Variants in AGMO observed in about 807,000 individuals in gnomAD.
AGMO encodes the protein glyceryl-ether monooxygenase.
Under a neutral mutation model 60.2 loss-of-function variants are expected in AGMO, and 75 were observed. That is an observed-to-expected ratio of 1.25 (90% CI 1.03 to 1.51). AGMO has a LOEUF of 1.51. Ranked by LOEUF, AGMO falls within the 40% of genes most tolerant of loss-of-function variation. The pLI is 0.00. For synonymous variants in AGMO, 261 were observed against 177.1 expected, an observed-to-expected ratio of 1.47 and a Z score of -3.76; for missense variants, 763 against 525.5, an observed-to-expected ratio of 1.45 and a Z score of -4.42.
chr7:15,376,861 T>C lies in AGMO; in HGVS notation c.1074+8585A>G, dbSNP rs117282179. ...TCATATCACTAAACTAAACACTATA[T>C]ATTTAAATATATGCTTTGCAAGTTT... is the stretch of plus-strand genomic sequence containing the variant. On this transcript the variant is annotated intron_variant, in intron 10 of 12. Transcript: ENST00000342526. Among the ~76,000 whole-genome samples the C allele has an allele frequency of 4.6e-5, 7 of 152,222 alleles. No individual in the cohort carries two copies. The South Asian group carries it at 6.2e-4, about 14-fold the overall frequency.
chr7:15,127,508 C>T, the AGMO span, among the ~76,000 whole-genome samples: 1 of 151,980 alleles, frequency 6.6e-6, no homozygotes, highest in Non-Finnish European at 1.5e-5. Context: ...ATTAAATTCA[C>T]TCTAATAGAA....
intron 3 of AGMO, among the ~76,000 whole-genome samples, chr7:15,443,559 C>A (rs767523484): frequency 6.6e-6 from 1 of 152,148 alleles, no homozygotes; most frequent in Admixed American, 6.5e-5. Flanking sequence ...AACTACTTCC[C>A]TAGATTGATG....
intron 12 of AGMO, among the ~76,000 whole-genome samples, chr7:15,353,280 A>G (rs1401236159): frequency 6.6e-6 from 1 of 152,208 alleles, no homozygotes; most frequent in Non-Finnish European, 1.5e-5. Flanking sequence ...GAGATGTGTC[A>G]ACAGGGTGGA....
intron 3 of AGMO, among the ~76,000 whole-genome samples, chr7:15,453,427 G>A (rs1781907295): frequency 6.6e-6 from 1 of 152,176 alleles, no homozygotes; most frequent in Admixed American, 6.5e-5. Context: ...ACAGTGTAGT[G>A]GAGAAAGCAG....
At chr7:15,339,301 T>C (rs771924762) in intron 12 of AGMO, among the ~76,000 whole-genome samples, 18 of 152,190 alleles carry the variant, frequency 1.2e-4, no homozygotes, top group Non-Finnish European at 2.2e-4. Flanking sequence ...TGTAAAATCA[T>C]ACTTATTACT....
At chr7:15,251,134 G>C (rs1293497815) in intron 12 of AGMO, among the ~76,000 whole-genome samples, 4 of 152,090 alleles carry the variant, frequency 2.6e-5, no homozygotes, top group Non-Finnish European at 5.9e-5. Context: ...AGCTCAAAAT[G>C]CTGCCTCTTT....
the AGMO span, among the ~76,000 whole-genome samples, chr7:15,143,384 T>C: frequency 2.0e-5 from 3 of 152,194 alleles, no homozygotes; most frequent in African/African-American, 7.2e-5. Flanking sequence ...TCAATTTATC[T>C]ACCCAATAGA....
chr7:15,424,803 T>C (rs1256286852), intron 4 of AGMO, among the ~76,000 whole-genome samples: 1 of 152,232 alleles, frequency 6.6e-6, no homozygotes, highest in Non-Finnish European at 1.5e-5. Flanking sequence ...GCTTAATGCA[T>C]GCTTTCCTTT....
intron 2 of AGMO, among the ~76,000 whole-genome samples, chr7:15,557,316 A>C (rs1785171805): frequency 6.6e-6 from 1 of 152,058 alleles, no homozygotes; most frequent in Non-Finnish European, 1.5e-5. Context: ...AAGGCATACT[A>C]CCATTTGTCT....
At chr7:15,280,075 G>C (rs1462091909) in intron 12 of AGMO, among the ~76,000 whole-genome samples, 1 of 152,164 alleles carries the variant, frequency 6.6e-6, no homozygotes, top group Non-Finnish European at 1.5e-5. Context: ...AGAATCAGGG[G>C]GTGAGTGAGA....
At chr7:15,439,543 A>G (rs6949707) in intron 3 of AGMO, among the ~76,000 whole-genome samples, 23,948 of 152,210 alleles carry the variant, frequency 0.16, 2,054 homozygotes, top group South Asian at 0.26. Flanking sequence ...AAAGAAAGAA[A>G]AACAGGGCTC....
chr7:15,297,641 G>T (rs1408032012), intron 12 of AGMO, among the ~76,000 whole-genome samples: 4 of 151,932 alleles, frequency 2.6e-5, no homozygotes. Flanking sequence ...CCTTTTCCTG[G>T]GAAAAGAAAA....
At chr7:15,531,645 A>AT (rs1784367641) in intron 3 of AGMO, among the ~76,000 whole-genome samples, 1 of 85,566 alleles carries the variant, frequency 1.2e-5, no homozygotes, top group African/African-American at 4.5e-5. Context: ...ATATATATAG[A>AT]AAATATAAAT....
intron 12 of AGMO, among the ~76,000 whole-genome samples, chr7:15,305,080 C>T (rs1780572006): frequency 6.6e-6 from 1 of 151,652 alleles, no homozygotes; most frequent in Non-Finnish European, 1.5e-5. Context: ...AAAAGTGTTA[C>T]TAGAAGTGAT....
Position 15,286,148 on chromosome 7 carries a change from T to C in AGMO, c.1263+79366A>G, listed in dbSNP as rs60425858. Among the ~76,000 whole-genome samples, 480 of 152,176 alleles carry C rather than the reference T, an allele frequency of 3.2e-3. 2 individuals are homozygous for C. The highest frequency in any genetic ancestry group is 0.011 in the African/African-American group (457 of 41,554). On this transcript the variant is annotated intron_variant, in intron 12 of 12. Coordinates refer to ENST00000342526, the MANE Select transcript of AGMO (RefSeq NM_001004320.2). ...TATAAAATAGCCTAGAAAAAAGCTC[T>C]TTTGGACATTGGTCTAGGAAAATAA...
chr7:15,462,706 CTCTA>C (rs1381514637), intron 3 of AGMO, among the ~76,000 whole-genome samples: 1 of 152,086 alleles, frequency 6.6e-6, no homozygotes, highest in Admixed American at 6.6e-5. Flanking sequence ...AAAAATTAAG[CTCTA>C]TCATGTGATT....
intron 12 of AGMO, among the ~76,000 whole-genome samples, chr7:15,298,624 A>G (rs1784470561): frequency 6.6e-6 from 1 of 151,858 alleles, no homozygotes; most frequent in Non-Finnish European, 1.5e-5. Flanking sequence ...CTAGTCTTGA[A>G]CCCCTGGGCT....
chr7:15,367,470 G>A lies in AGMO; in HGVS notation c.1075-1248C>T, dbSNP rs370801368. ...ATATCGGCTTTATTTTTAAAAAAAC[G>A]CAAACAATCTGGGAAACAAAGGATT... On this transcript the variant is annotated intron_variant, in intron 10 of 12. Coordinates refer to ENST00000342526, the MANE Select transcript of AGMO (RefSeq NM_001004320.2). Among the ~76,000 whole-genome samples, 8 of 151,764 alleles carry A rather than the reference G, an allele frequency of 5.3e-5. No individual in the cohort carries two copies. In the East Asian group the frequency reaches 1.5e-3, roughly 29 times the overall value.
intron 2 of AGMO, among the ~76,000 whole-genome samples, chr7:15,557,517 CT>C (rs1018357284): frequency 6.0e-5 from 9 of 150,412 alleles, no homozygotes; most frequent in East Asian, 2.0e-4. Flanking sequence ...CAAATTCTTC[CT>C]TTTTTTTTCT....
Sources: gnomAD v4.1 joint callset for allele counts (sites outside exome capture counted in the v4.1 genomes callset) on GRCh38, gnomAD v4.1.1 for gene constraint, MANE v1.5 for transcripts, NCBI Gene and HGNC (gene_info 2026-07-23, HGNC 2026-07-21) for gene names.